The following CDK10 variants were observed in gnomAD, a reference collection of about 807,000 sequenced individuals.
CDK10 encodes cyclin dependent kinase 10.
A neutral mutation model predicts 51.0 loss-of-function variants in CDK10; 55 were observed. That is an observed-to-expected ratio of 1.08 (90% CI 0.87 to 1.35). The LOEUF (loss-of-function observed/expected upper bound fraction) is 1.35, where lower values mean the gene tolerates loss of function less well. CDK10 is among the 40% of genes most tolerant of loss of function. CDK10 has a pLI of 0.00. For missense variants in CDK10, 589 were observed against 485.1 expected, an observed-to-expected ratio of 1.21 and a Z score of -2.01; for synonymous variants, 255 against 199.1, an observed-to-expected ratio of 1.28 and a Z score of -2.36.
chr16:89,691,142 A>G (rs2060426996), intron 3 of CDK10, among the ~76,000 whole-genome samples: 1 of 152,090 alleles, frequency 6.6e-6, no homozygotes, highest in Non-Finnish European at 1.5e-5. Context: ...AAAATTAGCC[A>G]GGCGTGGTGG....
intron 7 of CDK10, 25 bp downstream of exon 7, chr16:89,693,351 T>C (rs781642118): frequency 6.2e-7 from 1 of 1,614,120 alleles, no homozygotes; most frequent in South Asian, 1.1e-5. Flanking sequence ...GGCCAGGCCC[T>C]GTCCCTAGAT....
chr16:89,691,640 T>A, intron 4 of CDK10, 95 bp downstream of exon 4: 1 of 1,257,144 alleles, frequency 8.0e-7, no homozygotes, highest in Admixed American at 1.9e-5. Context: ...TCACTGGGCA[T>A]GAGGTTGTCA....
intron 8 of CDK10, 151 bp from the exon 9 acceptor site, chr16:89,694,022 C>G: frequency 5.5e-6 from 4 of 731,588 alleles, no homozygotes; most frequent in Non-Finnish European, 9.6e-6. Context: ...GCTGTGTGTG[C>G]CACCTGGATC....
At chr16:89,695,466 G>T in intron 12 of CDK10, 121 bp downstream of exon 12, 1 of 1,464,284 alleles carries the variant, frequency 6.8e-7, no homozygotes. Context: ...TCTGGGGTAA[G>T]AGGACAGGGG....
In CDK10 at chr16:89,693,399, G is replaced by A. The variant is rs143253541; in HGVS notation, c.540G>A (p.Ala180=). The A allele has an allele frequency of 2.4e-5, 39 of 1,614,040 alleles. No individual in the cohort carries two copies. The highest frequency in any genetic ancestry group is 1.6e-4 in the Middle Eastern group (1 of 6,084). ...LMTDKGCVKT[A]DFGLARAYGV... ...CACACACTCCCCTCTCTGCTGCAGC[G>A]GATTTCGGCCTGGCCCGGGCCTATG... Residue 180 remains alanine, a splice_region_variant and synonymous_variant, in exon 8 of 13, where the codon GCG becomes GCA. Transcript: ENST00000353379.
chr16:89,695,194 C>T lies in CDK10; in HGVS notation c.933-99C>T, dbSNP rs116260146. 8.7e-5 allele frequency: 134 copies of T among 1,538,660 alleles called. No homozygotes were observed. In the African/African-American group the frequency reaches 1.6e-3, roughly 19 times the overall value. Reference sequence around the variant, plus strand: ...AGGCACAGCCGCTCGGAGTGGCCACCTGGCTTCCTTTGAGCATTTGAATCA... The same window carrying T: ...AGGCACAGCCGCTCGGAGTGGCCACTTGGCTTCCTTTGAGCATTTGAATCA... On this transcript the variant is annotated intron_variant, in intron 11 of 12. Coordinates refer to ENST00000353379, the MANE Select transcript of CDK10 (RefSeq NM_052988.5).
chr16:89,687,776 C>T, intron 1 of CDK10: 1 of 355,582 alleles, frequency 2.8e-6, no homozygotes, highest in Non-Finnish European at 5.7e-6. Context: ...GATTTGGACA[C>T]CCAGAAATAA....
In CDK10 at chr16:89,695,652, C is replaced by CA. The variant is rs1567528140; in HGVS notation, c.1044dup (p.Ala349SerfsTer11). ...CACCACCGCAACAAGCGGGCCGCCC[C>CA]AGCCACCTCCGAGGGCCAGAGCAAG... On this transcript the variant is annotated frameshift_variant, in exon 13 of 13. Transcript: ENST00000353379. LOFTEE classifies it high-confidence loss of function. 1 of 1,604,248 alleles carries CA rather than the reference C, an allele frequency of 6.2e-7. No individual in the cohort carries two copies. The highest frequency in any genetic ancestry group is 1.7e-5 in the Admixed American group (1 of 59,346).
At chr16:89,686,960 G>A in intron 1 of CDK10, 163 bp downstream of exon 1, 1 of 598,540 alleles carries the variant, frequency 1.7e-6, no homozygotes, top group Non-Finnish European at 2.8e-6. Flanking sequence ...GGGGCGGGGC[G>A]GGCTCAGGAC....
intron 5 of CDK10, 200 bp downstream of exon 5, chr16:89,692,087 G>A: frequency 4.9e-6 from 3 of 606,064 alleles, no homozygotes; most frequent in Non-Finnish European, 8.7e-6. Context: ...CCAGGGCCGA[G>A]AGCCTTATGA....
At chr16:89,690,352 A>C (rs1597845612) in intron 2 of CDK10, 8 of 596,224 alleles carry the variant, frequency 1.3e-5, no homozygotes, top group South Asian at 1.1e-4. Context: ...CCCCCTGCCC[A>C]GTTCAAATGA....
At chr16:89,692,740 A>C in intron 6 of CDK10, 1 of 394,318 alleles carries the variant, frequency 2.5e-6, no homozygotes. Flanking sequence ...TGGCCTCCCA[A>C]AGTGCTGGGA....
chr16:89,687,648 C>T (rs2060255572), intron 1 of CDK10: 1 of 443,380 alleles, frequency 2.3e-6, no homozygotes. Flanking sequence ...AGTGCATCGT[C>T]AGCCTCCTGG....
At chr16:89,695,429 T>C (rs1178946999) in intron 12 of CDK10, 84 bp downstream of exon 12, 56 of 1,509,986 alleles carry the variant, frequency 3.7e-5, no homozygotes, top group Non-Finnish European at 5.0e-5. Flanking sequence ...AGAAGTGGCC[T>C]GCTGCCCTCA....
At chr16:89,688,711 T>A (rs2060311353) in intron 1 of CDK10, among the ~76,000 whole-genome samples, 1 of 152,154 alleles carries the variant, frequency 6.6e-6, no homozygotes, top group South Asian at 2.1e-4. Flanking sequence ...ACAGATGTAT[T>A]TTTGTATGTG....
Position 89,695,904 on chromosome 16 carries a change from G to A in CDK10, c.*212G>A, listed in dbSNP as rs995481707. ...GGTGACACCGGGGGGCTCCCAGCCC[G>A]TGCACCCTGGAAGGGCAGGTCTGGC... On this transcript the variant is annotated 3_prime_UTR_variant, in exon 13 of 13. Coordinates refer to ENST00000353379, the MANE Select transcript of CDK10 (RefSeq NM_052988.5). 9 of 1,080,566 alleles carry A rather than the reference G, an allele frequency of 8.3e-6. No homozygotes were observed. The highest frequency in any genetic ancestry group is 2.6e-5 in the East Asian group (1 of 38,622). 66.9% of individuals were successfully genotyped at this position (1,080,566 alleles called of 1,614,324 possible).
intron 9 of CDK10, 82 bp downstream of exon 9, chr16:89,694,314 T>C (rs781552350): frequency 2.1e-6 from 3 of 1,424,272 alleles, no homozygotes; most frequent in South Asian, 2.4e-5. Flanking sequence ...GAGCTCAGCC[T>C]CAGGGGAGGG....
At chr16:89,688,311 T>G (rs1245946375) in intron 1 of CDK10, among the ~76,000 whole-genome samples, 3 of 151,978 alleles carry the variant, frequency 2.0e-5, no homozygotes, top group Non-Finnish European at 4.4e-5. Flanking sequence ...CTAGATCTCC[T>G]GACTTCGTGA....
chr16:89,692,074 G>C, intron 5 of CDK10, 187 bp downstream of exon 5: 1 of 618,444 alleles, frequency 1.6e-6, no homozygotes, highest in East Asian at 2.8e-5. Context: ...GGAGCGGGCA[G>C]CCCCAGGGCC....
Sources: allele counts gnomAD v4.1 joint callset (sites outside exome capture counted in the v4.1 genomes callset), GRCh38; gene constraint gnomAD v4.1.1; transcripts MANE v1.5; gene names NCBI Gene and HGNC (gene_info 2026-07-23, HGNC 2026-07-21).